Variants in EIF3E observed in about 807,000 individuals in gnomAD.
EIF3E encodes eIF-3 p48.
EIF3E carries 25 observed loss-of-function variants against 59.3 expected under a neutral mutation model. That is an observed-to-expected ratio of 0.42 (90% CI 0.31 to 0.59). EIF3E has a LOEUF of 0.59. EIF3E is among the 20% of genes least tolerant of loss of function. EIF3E has a pLI of 0.15. For missense variants in EIF3E, 317 were observed against 534.3 expected (o/e 0.59, Z 4.01); for synonymous variants, 176 against 170.2 (o/e 1.03, Z -0.26).
rs1391535643 is a variant in EIF3E, at chr8:108,239,968, G to A, written c.313C>T (p.Gln105Ter). 1 of 1,612,860 alleles carries A rather than the reference G, an allele frequency of 6.2e-7. No homozygotes were observed. ...TTAAGACGAGTTTACCTGGTTGACT[G>A]CATTTGCCTTGTAGTTTCTGGATCT... The part of the protein sequence containing the change: ...FEDPETTRQM[Q>*]STRDGRMLFD... Residue 105 changes from glutamine (Q) to a stop codon, truncating the protein, a stop_gained, in exon 3 of 13, where the codon CAG (glutamine) becomes TAG (stop). Coordinates refer to ENST00000220849, the MANE Select transcript of EIF3E (RefSeq NM_001568.3). LOFTEE classifies it high-confidence loss of function.
In EIF3E at chr8:108,241,867, C is replaced by T; in HGVS notation, c.137G>A (p.Ser46Asn). Reference protein sequence around the residue: ...ELLQGKLDLLSDTNMVDFAMD... With the variant: ...ELLQGKLDLLNDTNMVDFAMD... ...AGCAAAGTCTACCATGTTGGTATCACTAAGAAGGTCCAATTTACCTTGTAA... is the reference window on the plus strand; with the variant it reads ...AGCAAAGTCTACCATGTTGGTATCATTAAGAAGGTCCAATTTACCTTGTAA... Residue 46 changes from serine (S) to asparagine (N), a missense_variant, in exon 2 of 13, where the codon AGT (serine) becomes AAT (asparagine). Ser to Asn is a conservative substitution (Grantham distance 46, BLOSUM62 1). This residue lies in a region of EIF3E where 242 missense variants were observed against 398.0 expected (regional missense o/e 0.61). Transcript: ENST00000220849. The T allele has an allele frequency of 2.5e-6, 4 of 1,601,884 alleles. No homozygotes were observed. The highest frequency in any genetic ancestry group is 3.4e-6 in the Non-Finnish European group (4 of 1,176,668).
intron 10 of EIF3E, among the ~76,000 whole-genome samples, chr8:108,204,003 T>C (rs1815044228): frequency 6.6e-6 from 1 of 152,072 alleles, no homozygotes; most frequent in South Asian, 2.1e-4. Context: ...CCTATTTACA[T>C]AGCATTTACA....
At chr8:108,228,891 T>C (rs1353727859) in intron 6 of EIF3E, among the ~76,000 whole-genome samples, 179 bp downstream of exon 6, 2 of 152,114 alleles carry the variant, frequency 1.3e-5, no homozygotes, top group African/African-American at 2.4e-5. Context: ...GTCTGACAAT[T>C]TCATTCAAGG....
chr8:108,214,583 C>T, intron 10 of EIF3E, 24 bp downstream of exon 10: 1 of 1,511,262 alleles, frequency 6.6e-7, no homozygotes, highest in Non-Finnish European at 8.9e-7. Flanking sequence ...GTAGAAAATC[C>T]AAATCAAATC....
intron 1 of EIF3E, among the ~76,000 whole-genome samples, chr8:108,245,500 G>A (rs2129932480): frequency 6.6e-6 from 1 of 152,280 alleles, no homozygotes; most frequent in East Asian, 1.9e-4. Context: ...TACTCACTCT[G>A]TCCCAGAAGA....
chr8:108,215,528 G>A (rs960346754), intron 9 of EIF3E, among the ~76,000 whole-genome samples: 1 of 152,150 alleles, frequency 6.6e-6, no homozygotes, highest in Non-Finnish European at 1.5e-5. Flanking sequence ...TGAGGCAGGA[G>A]AATGGTGTGA....
intron 10 of EIF3E, among the ~76,000 whole-genome samples, chr8:108,203,906 A>G (rs1331967020): frequency 6.6e-6 from 1 of 152,124 alleles, no homozygotes; most frequent in Non-Finnish European, 1.5e-5. Context: ...TCAACAAACC[A>G]TAGATAGAAA....
At chr8:108,246,850 A>G (rs1459390996) in intron 1 of EIF3E, among the ~76,000 whole-genome samples, 1 of 152,196 alleles carries the variant, frequency 6.6e-6, no homozygotes, top group Non-Finnish European at 1.5e-5. Context: ...TATTTTCTCT[A>G]GCTTACTTTA....
intron 4 of EIF3E, among the ~76,000 whole-genome samples, chr8:108,235,783 T>C (rs1251449856): frequency 6.6e-6 from 1 of 152,240 alleles, no homozygotes; most frequent in East Asian, 1.9e-4. Context: ...GCTCAAAGCA[T>C]TTCTAATTCA....
chr8:108,239,945 A>G lies in EIF3E; in HGVS notation c.323+13T>C. On this transcript the variant is annotated intron_variant, in intron 3 of 12. Coordinates refer to ENST00000220849, the MANE Select transcript of EIF3E (RefSeq NM_001568.3). ...AGGAGAATTTTTAGAATTCAAAATT[A>G]AGACGAGTTTACCTGGTTGACTGCA... 1 of 1,592,162 alleles carries G rather than the reference A, an allele frequency of 6.3e-7. No individual in the cohort carries two copies. Among genetic ancestry groups the G allele is most frequent in the Non-Finnish European group, 8.6e-7 (1 of 1,160,692 alleles).
intron 3 of EIF3E, among the ~76,000 whole-genome samples, chr8:108,237,713 A>G (rs1815760088): frequency 2.0e-5 from 3 of 152,200 alleles, no homozygotes; most frequent in African/African-American, 4.8e-5. Context: ...TGAAATGTAC[A>G]TGAAATTCCA....
rs180954004 is a variant in EIF3E, at chr8:108,238,664, T to C, written c.323+1294A>G. 2.0e-5 allele frequency among the ~76,000 whole-genome samples: 3 copies of C among 152,258 alleles called. No homozygotes were observed. In the East Asian group the frequency reaches 5.8e-4, roughly 29 times the overall value. On this transcript the variant is annotated intron_variant, in intron 3 of 12. Transcript: ENST00000220849. ...CACAGTATGGTATGGTATAGTATAG[T>C]ATAGTACGCTATAGTATGGCACAGT...
chr8:108,245,810 C>A (rs1358340142), intron 1 of EIF3E, among the ~76,000 whole-genome samples: 1 of 152,164 alleles, frequency 6.6e-6, no homozygotes, highest in Admixed American at 6.5e-5. Context: ...ATATTATGTG[C>A]TGAGAGCACA....
At chr8:108,218,928 T>G (rs2129871980) in intron 7 of EIF3E, among the ~76,000 whole-genome samples, 1 of 151,862 alleles carries the variant, frequency 6.6e-6, no homozygotes, top group South Asian at 2.1e-4. Flanking sequence ...GAACTACAGG[T>G]GCACACCACC....
intron 10 of EIF3E, among the ~76,000 whole-genome samples, chr8:108,212,268 A>G: frequency 6.6e-6 from 1 of 152,198 alleles, no homozygotes; most frequent in Middle Eastern, 3.2e-3. Context: ...TATATATGAT[A>G]TTACATTTGA....
intron 3 of EIF3E, among the ~76,000 whole-genome samples, chr8:108,238,594 C>T (rs1242031586): frequency 6.6e-6 from 1 of 152,122 alleles, no homozygotes; most frequent in East Asian, 1.9e-4. Flanking sequence ...GCTGAATCCA[C>T]AGATGCAGAA....
intron 5 of EIF3E, among the ~76,000 whole-genome samples, chr8:108,230,806 G>C (rs1159614705): frequency 6.6e-6 from 1 of 152,030 alleles, no homozygotes; most frequent in Non-Finnish European, 1.5e-5. Flanking sequence ...ACAGACCATG[G>C]TAAATTCACA....
Position 108,208,077 on chromosome 8 carries a change from G to A in EIF3E, c.1062-4574C>T, listed in dbSNP as rs966533648. ...AACTCTAGATTTTCTATCAGGTTTT[G>A]AGTGCCTAATCTTTCAAATGGTCTT... On this transcript the variant is annotated intron_variant, in intron 10 of 12. Transcript: ENST00000220849. Among the ~76,000 whole-genome samples, 3 of 152,078 alleles carry A rather than the reference G, an allele frequency of 2.0e-5. No individual in the cohort carries two copies. In the South Asian group the frequency reaches 6.2e-4, roughly 31 times the overall value.
intron 7 of EIF3E, among the ~76,000 whole-genome samples, chr8:108,223,837 T>C (rs1401317495): frequency 6.6e-6 from 1 of 151,176 alleles, no homozygotes; most frequent in African/African-American, 2.5e-5. Context: ...ATATATGTGA[T>C]GTAAGAGACT....
Sources: allele counts gnomAD v4.1 joint callset (sites outside exome capture counted in the v4.1 genomes callset), GRCh38; gene constraint gnomAD v4.1.1; regional missense constraint gnomAD v4.1.1; transcripts MANE v1.5; gene names NCBI Gene and HGNC (gene_info 2026-07-23, HGNC 2026-07-21).